Variants in USP31 observed in about 807,000 individuals in gnomAD.
USP31 encodes ubiquitin specific peptidase 31, also known as ubiquitin carboxyl-terminal hydrolase 31.
Under a neutral mutation model 119.4 loss-of-function variants are expected in USP31, and 44 were observed. That is an observed-to-expected ratio of 0.37 (90% CI 0.29 to 0.47). The LOEUF (loss-of-function observed/expected upper bound fraction) is 0.47, where lower values mean the gene tolerates loss of function less well. Ranked by LOEUF, USP31 falls within the 20% of genes least tolerant of loss-of-function variation. USP31 has a pLI of 0.99. For synonymous variants in USP31, 749 were observed against 705.6 expected (o/e 1.06, Z -0.97); for missense variants, 1,643 against 1,730.2 (o/e 0.95, Z 0.89).
At chr16:23,072,426 T>C in intron 14 of USP31, 1 of 619,242 alleles carries the variant, frequency 1.6e-6, no homozygotes, top group Non-Finnish European at 2.9e-6. Context: ...TTTGTAGTAA[T>C]AAAATGCAAG....
At chr16:23,140,078 C>T (rs1208921237) in intron 1 of USP31, among the ~76,000 whole-genome samples, 1 of 152,150 alleles carries the variant, frequency 6.6e-6, no homozygotes, top group Non-Finnish European at 1.5e-5. Flanking sequence ...TTCATTTTCA[C>T]TCACCATCAG....
In USP31 at chr16:23,098,463, G is replaced by GA. The variant is rs563511891; in HGVS notation, c.1234+3855dup. The stretch of plus-strand genomic sequence containing the variant: ...ACCAATGACTTTCTTCACAGAATTG[G>GA]AAAAAACTACTTCAAAGTTCATATG... On this transcript the variant is annotated intron_variant, in intron 6 of 15. Coordinates refer to ENST00000219689, the MANE Select transcript of USP31 (RefSeq NM_020718.4). Among the ~76,000 whole-genome samples the GA allele has an allele frequency of 2.6e-5, 4 of 152,112 alleles. 1 individual carries two copies. In the South Asian group the frequency reaches 8.3e-4, roughly 32 times the overall value.
chr16:23,148,499 T>C, intron 1 of USP31, 139 bp downstream of exon 1: 1 of 1,195,540 alleles, frequency 8.4e-7, no homozygotes, highest in South Asian at 2.1e-5. Flanking sequence ...TTAAAATCAC[T>C]GGTCGACTGC....
chr16:23,074,030 C>A (rs1900458741), intron 13 of USP31, 150 bp from the exon 14 acceptor site: 1 of 1,073,650 alleles, frequency 9.3e-7, no homozygotes, highest in Admixed American at 2.2e-5. Context: ...AAAAAAAATT[C>A]TAAATTCTGT....
At chr16:23,098,304 C>T (rs1901703589) in intron 6 of USP31, among the ~76,000 whole-genome samples, 1 of 152,178 alleles carries the variant, frequency 6.6e-6, no homozygotes, top group African/African-American at 2.4e-5. Context: ...CTACAAACCA[C>T]TGCTCAATGA....
chr16:23,115,722 C>A, intron 1 of USP31: 1 of 933,978 alleles, frequency 1.1e-6, no homozygotes, highest in Non-Finnish European at 1.3e-6. Context: ...TGATCCTTAG[C>A]ATATAGTTAC....
At chr16:23,147,804 G>A (rs951885959) in intron 1 of USP31, among the ~76,000 whole-genome samples, 6 of 152,212 alleles carry the variant, frequency 3.9e-5, no homozygotes, top group African/African-American at 1.4e-4. Flanking sequence ...AGGTATGGTG[G>A]TGTGTGTCTG....
Position 23,067,387 on chromosome 16 carries a change from A to C in USP31, c.*659T>G, listed in dbSNP as rs1900116568. On this transcript the variant is annotated 3_prime_UTR_variant, in exon 16 of 16. Coordinates refer to ENST00000219689, the MANE Select transcript of USP31 (RefSeq NM_020718.4). ...CTCGAAAATGTCTATCTGTGGCAGT[A>C]GGAGAAATGACACAGTCACCCACAT... The C allele has an allele frequency of 6.6e-6, 1 of 152,668 alleles. No individual in the cohort carries two copies. Among genetic ancestry groups the C allele is most frequent in the Non-Finnish European group, 1.5e-5 (1 of 68,052 alleles). 9.5% of individuals were successfully genotyped at this position (152,668 alleles called of 1,614,324 possible).
chr16:23,092,668 A>G (rs1429926776), intron 6 of USP31, among the ~76,000 whole-genome samples: 1 of 152,242 alleles, frequency 6.6e-6, no homozygotes, highest in African/African-American at 2.4e-5. Context: ...AGGGAAACGT[A>G]ACAACTGGAA....
At chr16:23,070,190 C>T (rs527337354) in intron 15 of USP31, among the ~76,000 whole-genome samples, 37 of 152,164 alleles carry the variant, frequency 2.4e-4, no homozygotes, top group Non-Finnish European at 4.9e-4. Flanking sequence ...GCTTCATTAC[C>T]TTCCTGAAGG....
intron 1 of USP31, among the ~76,000 whole-genome samples, chr16:23,145,765 G>C (rs1182297856): frequency 2.6e-5 from 4 of 152,164 alleles, no homozygotes; most frequent in Non-Finnish European, 5.9e-5. Context: ...TCCACCTCCG[G>C]AATCACTGTG....
chr16:23,112,703 G>A (rs1902359857), intron 1 of USP31, among the ~76,000 whole-genome samples: 1 of 152,064 alleles, frequency 6.6e-6, no homozygotes, highest in African/African-American at 2.4e-5. Flanking sequence ...ATGGAAGAAT[G>A]TGACCTACAG....
intron 12 of USP31, 140 bp from the exon 13 acceptor site, chr16:23,080,311 G>T: frequency 1.4e-6 from 1 of 719,228 alleles, no homozygotes; most frequent in South Asian, 2.0e-5. Flanking sequence ...ACAAATCAGG[G>T]AAACAGATGA....
chr16:23,082,865 C>CTA (rs1900899250), intron 11 of USP31, among the ~76,000 whole-genome samples: 1 of 130,498 alleles, frequency 7.7e-6, no homozygotes, highest in East Asian at 2.2e-4. Flanking sequence ...GAGTGTCACT[C>CTA]TATCACCCAG....
intron 1 of USP31, among the ~76,000 whole-genome samples, chr16:23,134,301 C>A (rs1416038893): frequency 6.6e-6 from 1 of 151,990 alleles, no homozygotes; most frequent in Admixed American, 6.6e-5. Context: ...TACAGAGAAA[C>A]CTTTTGTAAA....
rs550242600 is a variant in USP31 at position 23,095,870 on chromosome 16, C to T, written c.1235-5066G>A. ...AGCACTAAACATGGAAAGGAACAAC[C>T]GGTACCAGCCATTGCAAAAACATGC... On this transcript the variant is annotated intron_variant, in intron 6 of 15. Transcript: ENST00000219689. Among the ~76,000 whole-genome samples, 49 of 152,276 alleles carry T rather than the reference C, an allele frequency of 3.2e-4. 1 individual carries two copies. Among genetic ancestry groups the T allele is most frequent in the African/African-American group, 8.9e-4 (37 of 41,568 alleles).
intron 1 of USP31, among the ~76,000 whole-genome samples, chr16:23,113,956 T>TTA (rs1902404853): frequency 6.6e-6 from 1 of 152,030 alleles, no homozygotes; most frequent in African/African-American, 2.4e-5. Context: ...AATACAGAAG[T>TTA]TAGCTAGGCA....
chr16:23,115,868 A>G, intron 1 of USP31: 1 of 879,174 alleles, frequency 1.1e-6, no homozygotes, highest in Middle Eastern at 5.9e-4. Flanking sequence ...CATGGGTCAG[A>G]AAAGAGCCAT....
Position 23,069,583 on chromosome 16 carries a change from A to G in USP31, c.2522T>C (p.Val841Ala), listed in dbSNP as rs1323551523. Residue 841 changes from valine (V) to alanine (A), a missense_variant, in exon 16 of 16, where the codon GTC becomes GCC. Val to Ala is a moderately conservative substitution (Grantham distance 64). Around this residue, in one of 5 missense-constraint regions of USP31, gnomAD observed 699 missense variants for 650.9 expected, o/e 1.07. Transcript: ENST00000219689. ...GFSTRPFVRS[V>A]QRQSLSSRSS... ...TCTGGATGACAAACTCTGACGCTGG[A>G]CACTTCTCACAAATGGTCGAGTTGA... 1 of 1,611,014 alleles carries G rather than the reference A, an allele frequency of 6.2e-7. No individual in the cohort carries two copies. The highest frequency in any genetic ancestry group is 1.3e-5 in the African/African-American group (1 of 74,870).
Sources: allele counts gnomAD v4.1 joint callset (sites outside exome capture counted in the v4.1 genomes callset), GRCh38; gene constraint gnomAD v4.1.1; regional missense constraint gnomAD v4.1.1; transcripts MANE v1.5; gene names NCBI Gene and HGNC (gene_info 2026-07-23, HGNC 2026-07-21).